The following ADCY8 variants were observed in gnomAD, a reference collection of about 807,000 sequenced individuals.
The protein encoded by ADCY8 is adenylate cyclase type 8.
A neutral mutation model predicts 119.7 loss-of-function variants in ADCY8; 51 were observed. That is an observed-to-expected ratio of 0.43 (90% CI 0.34 to 0.54). The LOEUF (loss-of-function observed/expected upper bound fraction) is 0.54. Among genes scored for constraint, ADCY8 ranks in the 20% least tolerant of loss-of-function variants. The pLI, the probability that ADCY8 is intolerant of heterozygous loss-of-function variation, is 0.03. For missense variants in ADCY8, 1,383 were observed against 1,598.8 expected, an observed-to-expected ratio of 0.87 and a Z score of 2.30; for synonymous variants, 665 against 651.0, an observed-to-expected ratio of 1.02 and a Z score of -0.33.
At position 130,909,786 on chromosome 8, in the gene ADCY8, C is replaced by T. The variant is rs1325298926; in HGVS notation, c.1562G>A (p.Gly521Glu). 6.2e-7 allele frequency: 1 copy of T among 1,614,138 alleles called. No individual in the cohort carries two copies. Among genetic ancestry groups the T allele is most frequent in the Admixed American group, 1.7e-5 (1 of 60,028 alleles). Residue 521 changes from glycine (G) to glutamate (E), a missense_variant, in exon 6 of 18, where the codon GGA (glycine) becomes GAA (glutamate). Physicochemically the swap from Gly to Glu is moderately conservative, Grantham distance 98 (BLOSUM62 -2). Transcript: ENST00000286355. The part of the protein sequence containing the change: ...HSGSVLCGVL[G>E]LRKWQFDVWS... ...GACATCAAACTGCCACTTCCTTAGT[C>T]CCAAAACACCGCACAGCACCGAGCC...
At position 130,952,790 on chromosome 8, in the gene ADCY8, C is replaced by T. The variant is rs142188924; in HGVS notation, c.1111-792G>A. On this transcript the variant is annotated intron_variant, in intron 2 of 17. Coordinates refer to ENST00000286355, the MANE Select transcript of ADCY8 (RefSeq NM_001115.3). ...AGATAAGATTCATAGAACTGGCAAC[C>T]GAGATGGCAGGAAAGAAAAAGGGTG... 7.2e-3 allele frequency among the ~76,000 whole-genome samples: 1,096 copies of T among 152,140 alleles called. 18 individuals carry two copies. The highest frequency in any genetic ancestry group is 0.024 in the African/African-American group (1,013 of 41,468).
intron 1 of ADCY8, among the ~76,000 whole-genome samples, chr8:131,018,682 C>T (rs1185228666): frequency 6.6e-6 from 1 of 152,206 alleles, no homozygotes; most frequent in Non-Finnish European, 1.5e-5. Context: ...GTAATTATCC[C>T]ATTTTATAGA....
rs929250043 is a variant in ADCY8 at position 130,836,521 on chromosome 8, T to C, written c.2503-72A>G. 4 of 1,498,788 alleles carry C rather than the reference T, an allele frequency of 2.7e-6. No homozygotes were observed. The African/African-American group carries it at 4.1e-5, about 16-fold the overall frequency. The allele number at this position is 1,498,788 out of a possible 1,614,324, so 92.8% of individuals were successfully genotyped here. The stretch of plus-strand genomic sequence containing the variant: ...TCCCTCTCCTAGCCATGGATGCTAG[T>C]AGGTCTTACACACATTTGCAGAGAG... On this transcript the variant is annotated intron_variant, in intron 11 of 17. Coordinates refer to ENST00000286355, the MANE Select transcript of ADCY8 (RefSeq NM_001115.3).
At chr8:131,028,754 C>A (rs1823901064) in intron 1 of ADCY8, among the ~76,000 whole-genome samples, 1 of 152,168 alleles carries the variant, frequency 6.6e-6, no homozygotes. Context: ...AAGCACCTAT[C>A]CATTTTTTAC....
At chr8:130,904,228 G>T (rs1216246422) in intron 6 of ADCY8, among the ~76,000 whole-genome samples, 186 bp from the exon 7 acceptor site, 1 of 152,196 alleles carries the variant, frequency 6.6e-6, no homozygotes, top group Non-Finnish European at 1.5e-5. Context: ...AAATTCATGA[G>T]CACAGTATCA....
chr8:131,007,656 T>G (rs1360526364), intron 1 of ADCY8, among the ~76,000 whole-genome samples: 2 of 152,264 alleles, frequency 1.3e-5, no homozygotes, highest in African/African-American at 2.4e-5. Flanking sequence ...AAATCTGTTT[T>G]GTTTGCAAAA....
chr8:130,964,981 G>A (rs1821719787), intron 2 of ADCY8, among the ~76,000 whole-genome samples: 1 of 152,058 alleles, frequency 6.6e-6, no homozygotes, highest in Non-Finnish European at 1.5e-5. Flanking sequence ...TCTTTTGAGA[G>A]GTGTCTGTTC....
chr8:131,003,930 G>A (rs1823032960), intron 1 of ADCY8, among the ~76,000 whole-genome samples: 1 of 152,132 alleles, frequency 6.6e-6, no homozygotes, highest in Non-Finnish European at 1.5e-5. Context: ...TATGTGGTTG[G>A]CTAAGCCTCA....
chr8:130,865,669 GTTTA>G (rs937123852), intron 9 of ADCY8, among the ~76,000 whole-genome samples: 21 of 152,210 alleles, frequency 1.4e-4, no homozygotes, highest in Non-Finnish European at 2.4e-4. Flanking sequence ...AGCATGGGTT[GTTTA>G]TTTATTTTTT....
At chr8:131,008,030 T>A (rs1005103695) in intron 1 of ADCY8, among the ~76,000 whole-genome samples, 1 of 151,996 alleles carries the variant, frequency 6.6e-6, no homozygotes, top group Admixed American at 6.6e-5. Context: ...GGTGACCATA[T>A]AATTTATTGT....
At chr8:130,999,890 T>A (rs929926725) in intron 1 of ADCY8, among the ~76,000 whole-genome samples, 1 of 152,230 alleles carries the variant, frequency 6.6e-6, no homozygotes, top group Non-Finnish European at 1.5e-5. Context: ...TTTGGATATT[T>A]TCCAATACTT....
chr8:130,998,983 T>C (rs1336349289), intron 1 of ADCY8, among the ~76,000 whole-genome samples: 1 of 152,176 alleles, frequency 6.6e-6, no homozygotes, highest in African/African-American at 2.4e-5. Flanking sequence ...GGTGGGTCCA[T>C]AGACTGGCAT....
intron 8 of ADCY8, among the ~76,000 whole-genome samples, chr8:130,869,046 A>G (rs78992999): frequency 0.019 from 2,904 of 152,280 alleles, 44 homozygotes; most frequent in Middle Eastern, 0.1. Flanking sequence ...TGGGTTTTAG[A>G]CTGAACCCCA....
chr8:130,883,964 C>A (rs756375341), intron 8 of ADCY8, among the ~76,000 whole-genome samples: 1 of 152,152 alleles, frequency 6.6e-6, no homozygotes, highest in African/African-American at 2.4e-5. Context: ...GGGGAACTCA[C>A]GCTCAGAGAG....
chr8:131,033,144 G>A (rs1824046442), intron 1 of ADCY8, among the ~76,000 whole-genome samples: 1 of 152,120 alleles, frequency 6.6e-6, no homozygotes, highest in South Asian at 2.1e-4. Context: ...TGAGAGGAAA[G>A]GTTTAAGATG....
At chr8:130,833,565 T>A (rs55798213) in intron 12 of ADCY8, among the ~76,000 whole-genome samples, 34,206 of 152,054 alleles carry the variant, frequency 0.22, 3,913 homozygotes, top group Admixed American at 0.26. Flanking sequence ...TGCTACCACA[T>A]GGATGAACCT....
rs529059118 is a variant in ADCY8, at chr8:130,907,257, C to A, written c.1640+2451G>T. Among the ~76,000 whole-genome samples the A allele has an allele frequency of 1.9e-3, 291 of 152,170 alleles. 1 individual carries two copies. Among genetic ancestry groups the A allele is most frequent in the African/African-American group, 6.7e-3 (280 of 41,516 alleles). ...CCAGAAACTCGGCAGTGGGGCCCAGCAAGCTATGGTTTAATAAACTCTCGG... is the reference window on the plus strand; with the variant it reads ...CCAGAAACTCGGCAGTGGGGCCCAGAAAGCTATGGTTTAATAAACTCTCGG... On this transcript the variant is annotated intron_variant, in intron 6 of 17. Transcript: ENST00000286355.
At chr8:131,023,388 G>T (rs1823733258) in intron 1 of ADCY8, among the ~76,000 whole-genome samples, 1 of 152,114 alleles carries the variant, frequency 6.6e-6, no homozygotes, top group African/African-American at 2.4e-5. Context: ...CCTAGGAGTG[G>T]GTTTATAAAG....
intron 4 of ADCY8, among the ~76,000 whole-genome samples, chr8:130,939,730 A>T (rs1820901221): frequency 6.6e-6 from 1 of 152,244 alleles, no homozygotes. Context: ...TCCTTAATAC[A>T]CAACAGAGTA....
Sources: allele counts gnomAD v4.1 joint callset (sites outside exome capture counted in the v4.1 genomes callset), GRCh38; gene constraint gnomAD v4.1.1; transcripts MANE v1.5; gene names NCBI Gene and HGNC (gene_info 2026-07-23, HGNC 2026-07-21).